Variants in EPB41L2 observed in about 807,000 individuals in gnomAD.
The protein encoded by EPB41L2 is erythrocyte membrane protein band 4.1 like 2, also known as band 4.1-like protein 2.
Under a neutral mutation model 113.0 loss-of-function variants are expected in EPB41L2, and 43 were observed. That is an observed-to-expected ratio of 0.38 (90% confidence interval 0.30 to 0.49). The LOEUF (loss-of-function observed/expected upper bound fraction) is 0.49, where lower values mean the gene tolerates loss of function less well. Among genes scored for constraint, EPB41L2 ranks in the 20% least tolerant of loss-of-function variants. The probability of loss-of-function intolerance (pLI) is 0.95; values close to 1 mark genes in which losing one functional copy is unlikely to be tolerated. For synonymous variants in EPB41L2, 442 were observed against 436.7 expected, an observed-to-expected ratio of 1.01 and a Z score of -0.15; for missense variants, 1,147 against 1,223.4, an observed-to-expected ratio of 0.94 and a Z score of 0.93.
intron 19 of EPB41L2, among the ~76,000 whole-genome samples, chr6:130,857,886 A>G (rs1467828354): frequency 1.3e-5 from 2 of 152,178 alleles, no homozygotes; most frequent in Admixed American, 6.5e-5. Context: ...TAAACAGTAA[A>G]GCAATATATG....
At chr6:130,988,330 G>A (rs1318631893) in intron 1 of EPB41L2, among the ~76,000 whole-genome samples, 1 of 152,218 alleles carries the variant, frequency 6.6e-6, no homozygotes, top group Non-Finnish European at 1.5e-5. Context: ...TGAGTTTGAA[G>A]TGATGTAACA....
intron 13 of EPB41L2, among the ~76,000 whole-genome samples, chr6:130,878,982 C>A (rs1271824160): frequency 6.6e-6 from 1 of 152,194 alleles, no homozygotes; most frequent in Non-Finnish European, 1.5e-5. Context: ...CTTATACAGA[C>A]AAATATACAA....
intron 19 of EPB41L2, among the ~76,000 whole-genome samples, chr6:130,845,377 C>T (rs913142445): frequency 1.9e-5 from 1 of 52,408 alleles, no homozygotes; most frequent in South Asian, 1.1e-3. Flanking sequence ...TTTGAGGTAA[C>T]CTTATTCTTT....
At chr6:130,948,865 CT>C in intron 3 of EPB41L2, among the ~76,000 whole-genome samples, 1 of 152,304 alleles carries the variant, frequency 6.6e-6, no homozygotes, top group South Asian at 2.1e-4. Context: ...ATCTAACAAT[CT>C]AGCCTCAAAT....
intron 19 of EPB41L2, among the ~76,000 whole-genome samples, chr6:130,848,270 AGTTT>A (rs1472246427): frequency 6.7e-6 from 1 of 149,646 alleles, no homozygotes; most frequent in Non-Finnish European, 1.5e-5. Flanking sequence ...GTGCCATATT[AGTTT>A]AAGGTTGTCC....
At chr6:130,896,122 C>T (rs892826558) in intron 8 of EPB41L2, among the ~76,000 whole-genome samples, 8 of 152,156 alleles carry the variant, frequency 5.3e-5, no homozygotes, top group African/African-American at 1.9e-4. Context: ...AATAAAAGGA[C>T]ATTTTGTCTA....
chr6:131,036,774 T>C (rs1307044541), intron 1 of EPB41L2, among the ~76,000 whole-genome samples: 1 of 152,156 alleles, frequency 6.6e-6, no homozygotes, highest in Non-Finnish European at 1.5e-5. Context: ...TTGAATACCA[T>C]TGCCTAAACA....
intron 10 of EPB41L2, among the ~76,000 whole-genome samples, chr6:130,893,171 T>C (rs1793525228): frequency 6.6e-6 from 1 of 152,154 alleles, no homozygotes; most frequent in African/African-American, 2.4e-5. Context: ...TACATATTTG[T>C]TGTTGTTTTT....
chr6:130,869,892 G>C lies in EPB41L2; in HGVS notation c.2278C>G (p.His760Asp), dbSNP rs1220886140. The change falls in exon 15 of 20, where the codon CAC (histidine) becomes GAC (aspartate). Residue 760 changes from histidine (H) to aspartate (D), a missense_variant. By Grantham distance (81) the His-to-Asp change is moderately conservative (BLOSUM62 -1). Coordinates refer to ENST00000337057, the MANE Select transcript of EPB41L2 (RefSeq NM_001431.4). Reference sequence around the variant, plus strand: ...CTGATGGTGCCCTCGGTCACTCGGTGGTGGGGACGGTACTCTCCCACGTCT... The same window carrying C: ...CTGATGGTGCCCTCGGTCACTCGGTCGTGGGGACGGTACTCTCCCACGTCT... ...EEDVGEYRPHHRVTEGTIREE... is the reference protein window; with the variant it reads ...EEDVGEYRPHDRVTEGTIREE... 3 of 1,612,612 alleles carry C rather than the reference G, an allele frequency of 1.9e-6. No individual in the cohort carries two copies. In the East Asian group the frequency reaches 6.7e-5, roughly 36 times the overall value.
intron 10 of EPB41L2, among the ~76,000 whole-genome samples, chr6:130,892,686 A>G (rs6901891): frequency 0.074 from 11,257 of 152,232 alleles, 928 homozygotes; most frequent in African/African-American, 0.2. Context: ...TCAAGAAAGA[A>G]TCATGTGTGC....
At chr6:130,954,082 T>C in intron 3 of EPB41L2, among the ~76,000 whole-genome samples, 1 of 130,200 alleles carries the variant, frequency 7.7e-6, no homozygotes, top group East Asian at 2.5e-4. Context: ...AGACGGAGTC[T>C]CGCTCTGTCG....
rs764834057 is a variant in EPB41L2 at position 130,890,430 on chromosome 6, G to C, written c.1524C>G (p.Phe508Leu). Reference sequence around the variant, plus strand: ...AGCGAAATTTGGACCCCAAGGTCAGGAACTTGGCTTTTGGTGGCTGCTCTG... The same window carrying C: ...AGCGAAATTTGGACCCCAAGGTCAGCAACTTGGCTTTTGGTGGCTGCTCTG... ...VSPEQPPKAK[F>L]LTLGSKFRYS... The change falls in exon 11 of 20, where the codon TTC becomes TTG. Residue 508 changes from phenylalanine to leucine, a missense_variant. Transcript: ENST00000337057. 1 of 1,611,560 alleles carries C rather than the reference G, an allele frequency of 6.2e-7. No homozygotes were observed. Among genetic ancestry groups the C allele is most frequent in the Non-Finnish European group, 8.5e-7 (1 of 1,179,472 alleles).
chr6:130,926,042 T>C (rs1471490438), intron 4 of EPB41L2, among the ~76,000 whole-genome samples: 1 of 152,236 alleles, frequency 6.6e-6, no homozygotes, highest in African/African-American at 2.4e-5. Flanking sequence ...TGTTCTTCTA[T>C]TGATTGCTCT....
intron 1 of EPB41L2, among the ~76,000 whole-genome samples, chr6:131,010,331 T>C (rs907740555): frequency 7.2e-5 from 11 of 152,340 alleles, no homozygotes; most frequent in African/African-American, 2.2e-4. Flanking sequence ...AGTGCTGTCA[T>C]TGTACAATCA....
chr6:130,843,872 G>A (rs1167548996), intron 19 of EPB41L2, among the ~76,000 whole-genome samples: 2 of 152,166 alleles, frequency 1.3e-5, no homozygotes, highest in African/African-American at 2.4e-5. Context: ...CACTCACAGA[G>A]GGATCAGAGA....
At chr6:131,005,845 T>A (rs912097534) in intron 1 of EPB41L2, among the ~76,000 whole-genome samples, 1 of 152,152 alleles carries the variant, frequency 6.6e-6, no homozygotes, top group South Asian at 2.1e-4. Context: ...ACAACATTTT[T>A]AAATGACTAT....
At chr6:130,945,682 A>G (rs1812565533) in intron 3 of EPB41L2, among the ~76,000 whole-genome samples, 1 of 152,206 alleles carries the variant, frequency 6.6e-6, no homozygotes, top group Non-Finnish European at 1.5e-5. Flanking sequence ...GAAATGGAGG[A>G]AGCAAATATT....
At chr6:130,912,893 GA>G (rs774755990) in intron 4 of EPB41L2, among the ~76,000 whole-genome samples, 4 of 150,964 alleles carry the variant, frequency 2.6e-5, no homozygotes, top group Non-Finnish European at 4.4e-5. Flanking sequence ...AAATTGAAAA[GA>G]AAAAAAAAGT....
intron 1 of EPB41L2, among the ~76,000 whole-genome samples, chr6:131,039,059 G>A (rs755023076): frequency 6.6e-6 from 1 of 152,030 alleles, no homozygotes; most frequent in Non-Finnish European, 1.5e-5. Context: ...TTAGAAAACG[G>A]TTCTTCACAA....
Sources: allele counts gnomAD v4.1 joint callset (sites outside exome capture counted in the v4.1 genomes callset), GRCh38; gene constraint gnomAD v4.1.1; transcripts MANE v1.5; gene names NCBI Gene and HGNC (gene_info 2026-07-23, HGNC 2026-07-21).